ADAMTSL1: variants seen among roughly 807,000 people sequenced by gnomAD.
The protein encoded by ADAMTSL1 is ADAMTS-like protein 1.
In ADAMTSL1, 126 loss-of-function variants were observed where a neutral mutation model predicts 201.8. The ratio of observed to expected loss-of-function variants is 0.62; its 90% CI spans 0.54 to 0.72. The LOEUF is 0.72. Among genes scored for constraint, ADAMTSL1 ranks in the 30% least tolerant of loss-of-function variants. The probability of loss-of-function intolerance (pLI) is 0.00; values close to 1 mark genes in which losing one functional copy is unlikely to be tolerated. For missense variants in ADAMTSL1, 2,679 were observed against 2,277.8 expected (o/e 1.18, Z -3.59); for synonymous variants, 1,121 against 903.4 (o/e 1.24, Z -4.32).
chr9:18,092,510 A>G lies in ADAMTSL1; in HGVS notation c.88-71352A>G, dbSNP rs549782872. ...TTATCTTCTGTCTTTGGTCCATACC[A>G]CTATTTCTTTTTTTCTTGATGTGGA... On this transcript the variant is annotated intron_variant, in intron 1 of 29. Coordinates refer to the ADAMTSL1 transcript ENST00000680146. Among the ~76,000 whole-genome samples the G allele has an allele frequency of 6.2e-4, 95 of 152,304 alleles. 1 individual carries two copies. Among genetic ancestry groups the G allele is most frequent in the African/African-American group, 2.2e-3 (91 of 41,558 alleles).
At chr9:18,783,131 C>T (rs1257281256) in intron 19 of ADAMTSL1, among the ~76,000 whole-genome samples, 1 of 152,146 alleles carries the variant, frequency 6.6e-6, no homozygotes, top group African/African-American at 2.4e-5. Flanking sequence ...GTAGCCCCTA[C>T]AACACTATTG....
chr9:18,549,213 T>C (rs972465855), intron 3 of ADAMTSL1, among the ~76,000 whole-genome samples: 2 of 151,768 alleles, frequency 1.3e-5, no homozygotes, highest in East Asian at 3.9e-4. Context: ...AAGGGGGAAA[T>C]AGTAAAAGCT....
chr9:17,932,478 A>G (rs1285633824), intron 1 of ADAMTSL1, among the ~76,000 whole-genome samples: 2 of 152,126 alleles, frequency 1.3e-5, no homozygotes, highest in Admixed American at 6.6e-5. Flanking sequence ...GGTTGCTTTT[A>G]TTTCAATTAG....
intron 2 of ADAMTSL1, among the ~76,000 whole-genome samples, chr9:18,453,877 G>A (rs1820507347): frequency 6.6e-6 from 1 of 152,114 alleles, no homozygotes; most frequent in African/African-American, 2.4e-5. Flanking sequence ...TCAGATTAGT[G>A]AGCAAATTCT....
At chr9:18,620,653 C>T (rs946565591) in intron 4 of ADAMTSL1, among the ~76,000 whole-genome samples, 4 of 152,138 alleles carry the variant, frequency 2.6e-5, no homozygotes, top group Admixed American at 6.5e-5. Flanking sequence ...GGATGAAATT[C>T]GGTTGCTTTC....
In ADAMTSL1 at chr9:18,892,277, AGGGCCTTGGCCCC is replaced by A. The variant is rs1411709355; in HGVS notation, c.4644-111_4644-99del. On this transcript the variant is annotated intron_variant, in intron 25 of 28. Coordinates refer to ENST00000380548, the MANE Select transcript of ADAMTSL1 (RefSeq NM_001040272.6). ...ATCTTTCCAAGTAAATACTGTAAAA[AGGGCCTTGGCCCC>A]AAATTAGTGGCAAGAGCAGGGATGT... 5.9e-5 allele frequency: 61 copies of A among 1,026,944 alleles called. 1 individual carries two copies. The African/African-American group carries it at 8.5e-4, about 14-fold the overall frequency. The allele number at this position is 1,026,944 out of a possible 1,614,324, so 63.6% of individuals were successfully genotyped here.
rs533572717 is a variant in ADAMTSL1 at position 18,229,716 on chromosome 9, A to G, written c.207+65735A>G. ...CAACCAACATTTTTTTTTTTTTGAT[A>G]TGGAATTTCACTCTTGTTGCCCAGG... On this transcript the variant is annotated intron_variant, in intron 2 of 29. Transcript: ENST00000680146. 1.2e-4 allele frequency among the ~76,000 whole-genome samples: 18 copies of G among 148,562 alleles called. No homozygotes were observed. In the East Asian group the frequency reaches 3.4e-3, roughly 28 times the overall value.
chr9:18,101,766 G>A (rs149270558), intron 1 of ADAMTSL1, among the ~76,000 whole-genome samples: 1 of 152,286 alleles, frequency 6.6e-6, no homozygotes, highest in East Asian at 1.9e-4. Context: ...AAGAAGACAT[G>A]GTAGAGAATC....
chr9:18,009,431 C>T (rs1233627429), intron 1 of ADAMTSL1, among the ~76,000 whole-genome samples: 1 of 152,000 alleles, frequency 6.6e-6, no homozygotes, highest in Admixed American at 6.6e-5. Context: ...TGTAAGTCTC[C>T]TGTCTTATTC....
intron 1 of ADAMTSL1, among the ~76,000 whole-genome samples, chr9:18,086,027 G>A (rs1360358432): frequency 6.6e-6 from 1 of 152,118 alleles, no homozygotes. Context: ...AAGAGTCGAG[G>A]AAGACTGCAG....
intron 1 of ADAMTSL1, among the ~76,000 whole-genome samples, chr9:18,051,943 T>C (rs940555516): frequency 1.3e-5 from 2 of 152,258 alleles, no homozygotes; most frequent in Non-Finnish European, 2.9e-5. Flanking sequence ...ATTGGTTACC[T>C]GAGTCTGTGG....
At chr9:18,388,999 C>T (rs1009853686) in intron 2 of ADAMTSL1, among the ~76,000 whole-genome samples, 1 of 152,084 alleles carries the variant, frequency 6.6e-6, no homozygotes. Flanking sequence ...TCATGATCCA[C>T]CCTCCTCGGC....
chr9:18,318,490 T>C (rs1233525977), intron 2 of ADAMTSL1, among the ~76,000 whole-genome samples: 2 of 152,186 alleles, frequency 1.3e-5, no homozygotes, highest in Non-Finnish European at 2.9e-5. Flanking sequence ...AAAATCTGGA[T>C]AGACACTGAA....
chr9:18,493,979 G>GTA (rs1822393818), intron 1 of ADAMTSL1, among the ~76,000 whole-genome samples: 3 of 152,182 alleles, frequency 2.0e-5, no homozygotes, highest in Non-Finnish European at 4.4e-5. Context: ...CCACTTCTGG[G>GTA]GATAGATGTG....
chr9:18,468,192 A>G (rs975288686), intron 2 of ADAMTSL1, among the ~76,000 whole-genome samples: 4 of 152,200 alleles, frequency 2.6e-5, no homozygotes, highest in Admixed American at 6.5e-5. Context: ...TTCAATAACA[A>G]ACCTCTGAGA....
chr9:17,956,537 C>G (rs1050133590), intron 1 of ADAMTSL1, among the ~76,000 whole-genome samples: 1 of 152,040 alleles, frequency 6.6e-6, no homozygotes, highest in Non-Finnish European at 1.5e-5. Flanking sequence ...TTGGGAAGCC[C>G]GGGTGACTGT....
chr9:18,854,237 C>T (rs188414676), intron 23 of ADAMTSL1, among the ~76,000 whole-genome samples: 13 of 152,148 alleles, frequency 8.5e-5, no homozygotes, highest in Admixed American at 2.0e-4. Context: ...CACATATGCA[C>T]GCACACACAC....
intron 2 of ADAMTSL1, among the ~76,000 whole-genome samples, chr9:18,230,624 G>C (rs1365714256): frequency 6.6e-6 from 1 of 152,012 alleles, no homozygotes; most frequent in African/African-American, 2.4e-5. Context: ...ATCTAGAGAA[G>C]AATTACTCTA....
At chr9:18,494,149 G>C (rs1424260087) in intron 1 of ADAMTSL1, among the ~76,000 whole-genome samples, 5 of 152,034 alleles carry the variant, frequency 3.3e-5, no homozygotes, top group Non-Finnish European at 5.9e-5. Context: ...CTGAGGTCAG[G>C]AATCAAGACC....
Sources: gnomAD v4.1 joint callset for allele counts (sites outside exome capture counted in the v4.1 genomes callset) on GRCh38, gnomAD v4.1.1 for gene constraint, MANE v1.5 for transcripts, NCBI Gene and HGNC (gene_info 2026-07-23, HGNC 2026-07-21) for gene names.